Variants in NKAIN2 observed in about 807,000 individuals in gnomAD.
NKAIN2 encodes the protein sodium/potassium-transporting ATPase subunit beta-1-interacting protein 2.
NKAIN2 carries 14 observed loss-of-function variants against 32.6 expected under a neutral mutation model. That is an observed-to-expected ratio of 0.43 (90% CI 0.28 to 0.67). The LOEUF is 0.67. Ranked by LOEUF, NKAIN2 falls within the 30% of genes least tolerant of loss-of-function variation. NKAIN2 has a pLI of 0.17. For missense variants in NKAIN2, 198 were observed against 258.3 expected (o/e 0.77, Z 1.60); for synonymous variants, 80 against 87.2 (o/e 0.92, Z 0.46).
At chr6:124,216,345 T>C (rs535524407) in intron 1 of NKAIN2, among the ~76,000 whole-genome samples, 1 of 152,330 alleles carries the variant, frequency 6.6e-6, no homozygotes, top group Admixed American at 6.5e-5. Flanking sequence ...ATTGTGTATT[T>C]GTAAATTTGC....
At chr6:124,766,323 G>A (rs1201834434) in intron 4 of NKAIN2, among the ~76,000 whole-genome samples, 1 of 152,152 alleles carries the variant, frequency 6.6e-6, no homozygotes, top group Non-Finnish European at 1.5e-5. Context: ...AAAATGAGCG[G>A]AAGAGGACCT....
intron 1 of NKAIN2, among the ~76,000 whole-genome samples, chr6:123,807,595 AG>A (rs1681399814): frequency 6.6e-6 from 1 of 152,108 alleles, no homozygotes; most frequent in African/African-American, 2.4e-5. Context: ...TGATTGAATC[AG>A]AGTTCTTTTA....
At chr6:124,215,278 G>T (rs1052138842) in intron 1 of NKAIN2, among the ~76,000 whole-genome samples, 3 of 152,062 alleles carry the variant, frequency 2.0e-5, no homozygotes, top group Admixed American at 6.5e-5. Flanking sequence ...GGAGATAAAA[G>T]ATTTTAAAAT....
At chr6:124,377,946 T>C (rs1369269434) in intron 3 of NKAIN2, among the ~76,000 whole-genome samples, 2 of 152,082 alleles carry the variant, frequency 1.3e-5, no homozygotes, top group East Asian at 3.9e-4. Flanking sequence ...CCCTCCAGAA[T>C]CTTAAGATCT....
chr6:124,490,256 G>A (rs562107745), intron 3 of NKAIN2: 24 of 359,640 alleles, frequency 6.7e-5, no homozygotes, highest in African/African-American at 4.3e-4. Flanking sequence ...ATTCCCTGTA[G>A]GGTATGTTAT....
At chr6:124,024,148 GAAAT>G (rs1562314478) in intron 1 of NKAIN2, among the ~76,000 whole-genome samples, 2 of 151,966 alleles carry the variant, frequency 1.3e-5, no homozygotes, top group African/African-American at 4.8e-5. Flanking sequence ...CAAGAAAAAA[GAAAT>G]AATGTTTCAA....
intron 4 of NKAIN2, among the ~76,000 whole-genome samples, chr6:124,702,594 G>C (rs957537817): frequency 6.6e-6 from 1 of 152,020 alleles, no homozygotes; most frequent in African/African-American, 2.4e-5. Context: ...AAAAGAAATA[G>C]TCTCATGATG....
At chr6:124,437,872 A>ATTTTTTTTTTTTTTTT (rs374033234) in intron 3 of NKAIN2, 3 of 344,330 alleles carry the variant, frequency 8.7e-6, no homozygotes, top group Non-Finnish European at 1.6e-5. Context: ...TGATCTATTG[A>ATTTTTTTTTTTTTTTT]TTTTTTTTTT....
intron 3 of NKAIN2, among the ~76,000 whole-genome samples, chr6:124,546,552 TAGAG>T: frequency 6.6e-6 from 1 of 151,642 alleles, no homozygotes; most frequent in Non-Finnish European, 1.5e-5. Flanking sequence ...GATAGATAGA[TAGAG>T]ATAAAAATAG....
At chr6:124,731,538 A>G (rs1213564162) in intron 4 of NKAIN2, among the ~76,000 whole-genome samples, 1 of 122,144 alleles carries the variant, frequency 8.2e-6, no homozygotes, top group Non-Finnish European at 1.6e-5. Context: ...GAAGGGGAAT[A>G]TCACACTCTG....
intron 1 of NKAIN2, among the ~76,000 whole-genome samples, chr6:124,168,829 AGGT>A (rs1176149671): frequency 6.6e-6 from 1 of 152,122 alleles, no homozygotes. Context: ...AAATGATGTA[AGGT>A]GAATGATACT....
At chr6:124,114,388 C>A (rs1464490773) in intron 1 of NKAIN2, among the ~76,000 whole-genome samples, 1 of 151,896 alleles carries the variant, frequency 6.6e-6, no homozygotes. Context: ...GAAATATATG[C>A]AGGTGGGGGC....
intron 4 of NKAIN2, among the ~76,000 whole-genome samples, chr6:124,721,230 C>G (rs368294725): frequency 0.016 from 2,370 of 152,036 alleles, 31 homozygotes; most frequent in Middle Eastern, 0.034. Flanking sequence ...CGGTGAAACC[C>G]CGTCTCTACT....
intron 1 of NKAIN2, among the ~76,000 whole-genome samples, chr6:123,889,975 G>A (rs1430983016): frequency 6.6e-6 from 1 of 152,078 alleles, no homozygotes; most frequent in Non-Finnish European, 1.5e-5. Context: ...TAATTTGTAT[G>A]TAAGGATTGC....
chr6:123,902,142 A>C (rs1392734695), intron 1 of NKAIN2, among the ~76,000 whole-genome samples: 1 of 152,154 alleles, frequency 6.6e-6, no homozygotes, highest in Admixed American at 6.5e-5. Flanking sequence ...TGTCAAGTAC[A>C]AAAATGGCCT....
chr6:124,590,509 AAACGGG>A, intron 3 of NKAIN2, among the ~76,000 whole-genome samples: 1 of 141,604 alleles, frequency 7.1e-6, no homozygotes, highest in Non-Finnish European at 1.6e-5. Flanking sequence ...TGTGGCGTTG[AAACGGG>A]AACATGAGAG....
At chr6:124,145,222 T>G (rs1446606054) in intron 1 of NKAIN2, among the ~76,000 whole-genome samples, 1 of 152,180 alleles carries the variant, frequency 6.6e-6, no homozygotes. Flanking sequence ...TGGCAGTTCC[T>G]TATAAAACTA....
intron 3 of NKAIN2, among the ~76,000 whole-genome samples, chr6:124,569,435 T>C (rs1208812218): frequency 1.3e-5 from 2 of 152,148 alleles, no homozygotes; most frequent in African/African-American, 4.8e-5. Context: ...ACTTTTGATA[T>C]GGTTTGGCTG....
At chr6:124,820,033 A>G (rs1483700380) in intron 6 of NKAIN2, among the ~76,000 whole-genome samples, 3 of 152,108 alleles carry the variant, frequency 2.0e-5, no homozygotes, top group African/African-American at 7.2e-5. Flanking sequence ...ATATTCCTTT[A>G]TGAAACATTT....
Sources: allele counts gnomAD v4.1 joint callset (sites outside exome capture counted in the v4.1 genomes callset), GRCh38; gene constraint gnomAD v4.1.1; transcripts MANE v1.5; gene names NCBI Gene and HGNC (gene_info 2026-07-23, HGNC 2026-07-21).